LRP1B: variants seen among roughly 807,000 people sequenced by gnomAD.
LRP1B encodes the protein low-density lipoprotein receptor-related protein 1B.
Under a neutral mutation model 556.6 loss-of-function variants are expected in LRP1B, and 217 were observed. The observed-to-expected ratio is 0.39, with a 90% CI of 0.35 to 0.44. LRP1B has a LOEUF of 0.44. Among genes scored for constraint, LRP1B ranks in the 20% least tolerant of loss-of-function variants. LRP1B has a pLI of 1.00. For synonymous variants in LRP1B, 2,047 were observed against 1,865.8 expected (o/e 1.10, Z -2.50); for missense variants, 5,053 against 5,620.8 (o/e 0.90, Z 3.23).
chr2:141,128,564 T>TA (rs1167005281), intron 7 of LRP1B, among the ~76,000 whole-genome samples: 2 of 152,184 alleles, frequency 1.3e-5, no homozygotes, highest in East Asian at 3.8e-4. Context: ...TTGAGAATAA[T>TA]AAAAAACAAG....
At chr2:141,005,563 T>C in intron 14 of LRP1B, 106 bp from the exon 15 acceptor site, 1 of 875,156 alleles carries the variant, frequency 1.1e-6, no homozygotes, top group Non-Finnish European at 1.6e-6. Flanking sequence ...ATGTATATTA[T>C]ATATTTAGTA....
chr2:141,413,732 A>C (rs1401575637), intron 3 of LRP1B, among the ~76,000 whole-genome samples: 1 of 150,882 alleles, frequency 6.6e-6, no homozygotes, highest in Non-Finnish European at 1.5e-5. Flanking sequence ...AAATGCAAAA[A>C]AATTAGCTAG....
rs556184817 is a variant in LRP1B at position 140,791,214 on chromosome 2, G to A, written c.5360-14976C>T. 8.0e-4 allele frequency among the ~76,000 whole-genome samples: 122 copies of A among 151,914 alleles called. 1 individual carries two copies. Among genetic ancestry groups the A allele is most frequent in the Non-Finnish European group, 1.1e-3 (77 of 67,944 alleles). ...GGTTGCAGTGAGCCAAGATTGCACC[G>A]CTGCACTCCAGCCTGGTGACAGATC... On this transcript the variant is annotated intron_variant, in intron 32 of 90. Transcript: ENST00000389484.
At chr2:140,262,652 C>T (rs990098532) in intron 86 of LRP1B, among the ~76,000 whole-genome samples, 1 of 151,984 alleles carries the variant, frequency 6.6e-6, no homozygotes, top group Non-Finnish European at 1.5e-5. Flanking sequence ...CTGATGTGAG[C>T]AGAATAATAA....
At chr2:140,586,074 T>C (rs16844285) in intron 43 of LRP1B, among the ~76,000 whole-genome samples, 3,888 of 152,296 alleles carry the variant, frequency 0.026, 166 homozygotes, top group African/African-American at 0.086. Flanking sequence ...TCTAAAAATC[T>C]ATGAGCACAC....
At chr2:142,111,031 C>G (rs1221632652) in intron 1 of LRP1B, among the ~76,000 whole-genome samples, 1 of 152,120 alleles carries the variant, frequency 6.6e-6, no homozygotes. Context: ...ATATGTAGTT[C>G]CTTTGTGCAG....
chr2:141,058,508 T>C (rs1455857512), intron 9 of LRP1B, among the ~76,000 whole-genome samples: 1 of 151,828 alleles, frequency 6.6e-6, no homozygotes, highest in East Asian at 1.9e-4. Flanking sequence ...ATGACTATAA[T>C]AAACACTGGA....
At chr2:140,735,118 G>T (rs542821787) in intron 35 of LRP1B, among the ~76,000 whole-genome samples, 6 of 152,284 alleles carry the variant, frequency 3.9e-5, no homozygotes, top group African/African-American at 1.4e-4. Context: ...CCCAGCAGTT[G>T]TCAAAGAGGA....
intron 2 of LRP1B, among the ~76,000 whole-genome samples, chr2:141,738,072 G>A (rs1010277751): frequency 6.6e-6 from 1 of 151,794 alleles, no homozygotes; most frequent in African/African-American, 2.4e-5. Flanking sequence ...AAATTGTGCT[G>A]TGCACAATAT....
chr2:140,365,289 G>A (rs1682707400), intron 71 of LRP1B, among the ~76,000 whole-genome samples: 1 of 151,572 alleles, frequency 6.6e-6, no homozygotes, highest in Non-Finnish European at 1.5e-5. Flanking sequence ...TTTAATAGCA[G>A]TAAGAATTTG....
At chr2:141,337,276 A>G (rs1407192519) in intron 3 of LRP1B, among the ~76,000 whole-genome samples, 1 of 152,104 alleles carries the variant, frequency 6.6e-6, no homozygotes, top group Non-Finnish European at 1.5e-5. Flanking sequence ...GTTTTTATTT[A>G]TATTTCCATA....
chr2:141,373,171 G>A (rs1689295898), intron 3 of LRP1B, among the ~76,000 whole-genome samples: 1 of 152,010 alleles, frequency 6.6e-6, no homozygotes, highest in Non-Finnish European at 1.5e-5. Context: ...ACTTAGAACT[G>A]ACATCTAGTT....
chr2:140,514,814 C>A, intron 50 of LRP1B, 42 bp from the exon 51 acceptor site: 5 of 1,547,988 alleles, frequency 3.2e-6, no homozygotes, highest in South Asian at 1.2e-5. Flanking sequence ...AGTTTGAGAC[C>A]GTCTTACAAC....
intron 1 of LRP1B, among the ~76,000 whole-genome samples, chr2:141,812,842 A>G (rs1443567227): frequency 1.3e-5 from 2 of 152,206 alleles, no homozygotes; most frequent in East Asian, 1.9e-4. Flanking sequence ...ATGAGTTAAG[A>G]ATTGGTGACT....
At chr2:142,004,817 A>C (rs1702754015) in intron 1 of LRP1B, among the ~76,000 whole-genome samples, 3 of 151,856 alleles carry the variant, frequency 2.0e-5, no homozygotes, top group Admixed American at 6.6e-5. Flanking sequence ...GTGCCACTGC[A>C]CTCCAGTCTG....
intron 3 of LRP1B, among the ~76,000 whole-genome samples, chr2:141,309,288 T>C (rs1237464322): frequency 6.6e-6 from 1 of 152,262 alleles, no homozygotes. Context: ...TTGTCTTTGT[T>C]CCACTTTTAA....
At chr2:140,834,466 A>G (rs555116270) in intron 31 of LRP1B, among the ~76,000 whole-genome samples, 3 of 152,228 alleles carry the variant, frequency 2.0e-5, no homozygotes, top group African/African-American at 7.2e-5. Flanking sequence ...TCTGGATCTC[A>G]TGACCTCGTG....
At chr2:141,611,159 A>G (rs1309614436) in intron 2 of LRP1B, among the ~76,000 whole-genome samples, 1 of 152,228 alleles carries the variant, frequency 6.6e-6, no homozygotes, top group Non-Finnish European at 1.5e-5. Flanking sequence ...AAATCTTTTA[A>G]CCGTGGTTTC....
At chr2:141,609,533 T>A (rs1288204276) in intron 2 of LRP1B, among the ~76,000 whole-genome samples, 3 of 152,164 alleles carry the variant, frequency 2.0e-5, no homozygotes, top group South Asian at 2.1e-4. Flanking sequence ...GATCTTTGAG[T>A]GTTTGTTTTT....
Sources: allele counts gnomAD v4.1 joint callset (sites outside exome capture counted in the v4.1 genomes callset), GRCh38; gene constraint gnomAD v4.1.1; transcripts MANE v1.5; gene names NCBI Gene and HGNC (gene_info 2026-07-23, HGNC 2026-07-21).